Variants in HOATZ observed in about 807,000 individuals in gnomAD.
HOATZ encodes the protein cilia- and flagella-associated protein HOATZ.
HOATZ carries 26 observed loss-of-function variants against 24.9 expected under a neutral mutation model. That is an observed-to-expected ratio of 1.04 (90% CI 0.76 to 1.45). The LOEUF is 1.45. Among genes scored for constraint, HOATZ ranks in the 40% most tolerant of loss-of-function variants. The pLI is 0.00. For synonymous variants in HOATZ, 83 were observed against 76.6 expected (o/e 1.08, Z -0.43); for missense variants, 226 against 201.5 (o/e 1.12, Z -0.74).
chr11:111,526,270 A>T (rs1867338152), intron 3 of HOATZ, among the ~76,000 whole-genome samples: 1 of 152,234 alleles, frequency 6.6e-6, no homozygotes, highest in Admixed American at 6.5e-5. Context: ...GGGAATGAGA[A>T]TATCACATTT....
rs994065168 is a variant in HOATZ, at chr11:111,534,665, C to G, written c.452+201C>G. On this transcript the variant is annotated intron_variant, in intron 5 of 5. Transcript: ENST00000375618. The stretch of plus-strand genomic sequence containing the variant: ...CGAACTTGTCTGTCTGTGGAATATG[C>G]AAGCATAAGTTAGTGCAAAATGGAA... 8.8e-6 allele frequency: 5 copies of G among 568,256 alleles called. No homozygotes were observed. The African/African-American group carries it at 9.5e-5, about 11-fold the overall frequency. 35.2% of individuals were successfully genotyped at this position (568,256 alleles called of 1,614,324 possible). A position where few individuals can be genotyped will look rare whatever the true frequency, so the allele number is the denominator to read the frequency against.
chr11:111,528,183 A>G (rs1780239923), intron 3 of HOATZ, among the ~76,000 whole-genome samples: 2 of 150,824 alleles, frequency 1.3e-5, no homozygotes, highest in Admixed American at 6.6e-5. Flanking sequence ...TCGTTTTTTA[A>G]TTAACTAAGC....
chr11:111,533,638 A>G, intron 3 of HOATZ, 108 bp from the exon 4 acceptor site: 1 of 724,870 alleles, frequency 1.4e-6, no homozygotes, highest in South Asian at 1.8e-5. Context: ...AGGAAAAAAT[A>G]TTTTAAAATT....
chr11:111,525,846 G>T (rs1370992706), intron 3 of HOATZ, among the ~76,000 whole-genome samples: 1 of 152,228 alleles, frequency 6.6e-6, no homozygotes, highest in South Asian at 2.1e-4. Context: ...AAGAAGTGCA[G>T]CTCACTGCCA....
intron 3 of HOATZ, among the ~76,000 whole-genome samples, chr11:111,518,053 G>A (rs1187860215): frequency 6.6e-6 from 1 of 152,158 alleles, no homozygotes; most frequent in Non-Finnish European, 1.5e-5. Flanking sequence ...TGCAGGCCAA[G>A]GAACACTATT....
At chr11:111,530,273 T>C (rs1867381151) in intron 3 of HOATZ, among the ~76,000 whole-genome samples, 1 of 152,106 alleles carries the variant, frequency 6.6e-6, no homozygotes, top group Non-Finnish European at 1.5e-5. Flanking sequence ...ATAGTTGTGG[T>C]GGGGAAAGGA....
chr11:111,535,565 TC>T (rs1434875342), intron 5 of HOATZ: 1 of 152,238 alleles, frequency 6.6e-6, no homozygotes, highest in African/African-American at 2.4e-5. Context: ...CTTACTTAAT[TC>T]CTTTTGTAAA....
intron 3 of HOATZ, chr11:111,524,843 G>T (rs925231636): frequency 1.1e-5 from 5 of 435,100 alleles, no homozygotes; most frequent in Admixed American, 2.6e-5. Context: ...GCTTTTTAAA[G>T]AAAATGTGCA....
At chr11:111,532,074 ATCT>A (rs1409635914) in intron 3 of HOATZ, among the ~76,000 whole-genome samples, 1 of 152,140 alleles carries the variant, frequency 6.6e-6, no homozygotes, top group Non-Finnish European at 1.5e-5. Context: ...CCCCTGGGAC[ATCT>A]TCTGAGTCCC....
chr11:111,536,757 T>A lies in HOATZ; in HGVS notation c.453-13T>A, dbSNP rs755908746. On this transcript the variant is annotated splice_polypyrimidine_tract_variant and intron_variant, in intron 5 of 5. Coordinates refer to ENST00000375618, the MANE Select transcript of HOATZ (RefSeq NM_001100388.2). Reference sequence around the variant, plus strand: ...TTCTGTGTATTGGAACTGACTGATATTACTACCAACAGGAAAGTGGTATCA... The same window carrying A: ...TTCTGTGTATTGGAACTGACTGATAATACTACCAACAGGAAAGTGGTATCA... 1.2e-6 allele frequency: 2 copies of A among 1,607,460 alleles called. No individual in the cohort carries two copies. The highest frequency in any genetic ancestry group is 1.7e-5 in the Admixed American group (1 of 60,000).
intron 3 of HOATZ, among the ~76,000 whole-genome samples, chr11:111,516,703 T>C (rs1254040495): frequency 2.0e-5 from 3 of 151,848 alleles, no homozygotes; most frequent in Non-Finnish European, 2.9e-5. Flanking sequence ...GGCAGCAGAG[T>C]GAGACACAGT....
chr11:111,518,604 A>G (rs865893298), intron 3 of HOATZ, among the ~76,000 whole-genome samples: 3 of 152,216 alleles, frequency 2.0e-5, no homozygotes, highest in Admixed American at 1.3e-4. Context: ...CTGCAATCCT[A>G]ACTCCAAAGT....
At chr11:111,520,562 T>C (rs915099423) in intron 3 of HOATZ, among the ~76,000 whole-genome samples, 9 of 152,222 alleles carry the variant, frequency 5.9e-5, no homozygotes, top group African/African-American at 2.2e-4. Context: ...ATATGGCACT[T>C]CCTTGAACCA....
At chr11:111,515,577 CA>C (rs1452503150) in intron 2 of HOATZ, 25 bp downstream of exon 2, 2 of 1,590,210 alleles carry the variant, frequency 1.3e-6, no homozygotes, top group African/African-American at 2.7e-5. Flanking sequence ...TTATGCCTTT[CA>C]ACATTCTGAC....
intron 3 of HOATZ, among the ~76,000 whole-genome samples, chr11:111,532,149 A>G (rs1319839971): frequency 6.6e-6 from 1 of 152,110 alleles, no homozygotes; most frequent in African/African-American, 2.4e-5. Context: ...CAGTTCGTTC[A>G]TCGTACCCTA....
Position 111,536,824 on chromosome 11 carries a change from C to A in HOATZ, c.507C>A (p.Asp169Glu), listed in dbSNP as rs769162787. 3.7e-5 allele frequency: 60 copies of A among 1,613,418 alleles called. 1 individual carries two copies. In the Admixed American group the frequency reaches 9.8e-4, roughly 26 times the overall value. Reference sequence around the variant, plus strand: ...ACCAAGAAGAAGTCAAAACTTTGGACTAATTTGCTTGACACATGGCAGAGG... The same window carrying A: ...ACCAAGAAGAAGTCAAAACTTTGGAATAATTTGCTTGACACATGGCAGAGG... Reference protein sequence around the residue: ...KEDQEEVKTLD With the variant: ...KEDQEEVKTLE The change falls in exon 6 of 6, where the codon GAC (aspartate) becomes GAA (glutamate). Residue 169 changes from aspartate (D) to glutamate (E), a missense_variant. Asp to Glu is a conservative substitution (Grantham distance 45, BLOSUM62 2). Coordinates refer to ENST00000375618, the MANE Select transcript of HOATZ (RefSeq NM_001100388.2).
intron 3 of HOATZ, among the ~76,000 whole-genome samples, chr11:111,529,370 T>G (rs910450581): frequency 1.3e-5 from 2 of 152,086 alleles, no homozygotes; most frequent in Non-Finnish European, 2.9e-5. Flanking sequence ...TCTTAATCTT[T>G]TTCTTTTTTT....
intron 2 of HOATZ, among the ~76,000 whole-genome samples, 161 bp downstream of exon 2, chr11:111,515,713 C>T (rs1867187124): frequency 6.6e-6 from 1 of 152,202 alleles, no homozygotes; most frequent in Non-Finnish European, 1.5e-5. Context: ...AGGACAATGC[C>T]TAAATTCCTT....
intron 3 of HOATZ, chr11:111,518,915 T>A: frequency 2.4e-6 from 1 of 416,712 alleles, no homozygotes; most frequent in Non-Finnish European, 4.9e-6. Context: ...TTCTCTGTGC[T>A]CCCACGGCAA....
Sources: allele counts gnomAD v4.1 joint callset (sites outside exome capture counted in the v4.1 genomes callset), GRCh38; gene constraint gnomAD v4.1.1; transcripts MANE v1.5; gene names NCBI Gene and HGNC (gene_info 2026-07-23, HGNC 2026-07-21).